Variants in PRKAR2A observed in about 807,000 individuals in gnomAD.
The protein encoded by PRKAR2A is protein kinase cAMP-dependent type II regulatory subunit alpha.
PRKAR2A carries 29 observed loss-of-function variants against 51.9 expected under a neutral mutation model. The ratio of observed to expected loss-of-function variants is 0.56; its 90% confidence interval spans 0.42 to 0.76. The LOEUF (loss-of-function observed/expected upper bound fraction) is 0.76, where lower values mean the gene tolerates loss of function less well. Ranked by LOEUF, PRKAR2A falls within the 30% of genes least tolerant of loss-of-function variation. PRKAR2A has a pLI of 0.00. For missense variants in PRKAR2A, 445 were observed against 512.1 expected, an observed-to-expected ratio of 0.87 and a Z score of 1.26; for synonymous variants, 178 against 186.2, an observed-to-expected ratio of 0.96 and a Z score of 0.36.
chr3:48,816,075 C>T (rs2082870731), intron 1 of PRKAR2A, among the ~76,000 whole-genome samples: 1 of 151,560 alleles, frequency 6.6e-6, no homozygotes, highest in African/African-American at 2.4e-5. Flanking sequence ...AATACTTCTC[C>T]AACCTTGCCT....
At chr3:48,764,967 A>G in intron 8 of PRKAR2A, 37 bp downstream of exon 8, 1 of 1,577,090 alleles carries the variant, frequency 6.3e-7, no homozygotes, top group Admixed American at 1.7e-5. Context: ...TTCAGGGGTG[A>G]CTTCCAGGAA....
chr3:48,822,280 C>A (rs1164322816), intron 1 of PRKAR2A, among the ~76,000 whole-genome samples: 1 of 150,790 alleles, frequency 6.6e-6, no homozygotes, highest in African/African-American at 2.4e-5. Flanking sequence ...CAGTTCTTCA[C>A]ACAGCTTGCA....
intron 5 of PRKAR2A, among the ~76,000 whole-genome samples, chr3:48,773,918 C>T (rs1258504841): frequency 6.6e-6 from 1 of 150,618 alleles, no homozygotes; most frequent in Non-Finnish European, 1.5e-5. Flanking sequence ...CCCAAGCAAT[C>T]CTCTCACCTC....
intron 1 of PRKAR2A, among the ~76,000 whole-genome samples, chr3:48,814,348 G>C (rs138115772): frequency 6.6e-6 from 1 of 152,142 alleles, no homozygotes; most frequent in Non-Finnish European, 1.5e-5. Context: ...AACCACGGAG[G>C]TGGAGGTTTC....
At chr3:48,828,477 G>A (rs534027084) in intron 1 of PRKAR2A, among the ~76,000 whole-genome samples, 122 of 151,904 alleles carry the variant, frequency 8.0e-4, no homozygotes, top group Non-Finnish European at 1.6e-3. Flanking sequence ...AAGTACTTTG[G>A]GAGGCTGAGG....
At chr3:48,810,620 T>TC (rs2082755485) in intron 1 of PRKAR2A, among the ~76,000 whole-genome samples, 1 of 152,040 alleles carries the variant, frequency 6.6e-6, no homozygotes, top group African/African-American at 2.4e-5. Context: ...TAAAAAAATG[T>TC]TTTTTTAATT....
In PRKAR2A at chr3:48,823,320, C is replaced by T. The variant is rs552806897; in HGVS notation, c.263-15636G>A. Among the ~76,000 whole-genome samples the T allele has an allele frequency of 6.6e-5, 10 of 151,516 alleles. No homozygotes were observed. The South Asian group carries it at 1.9e-3, about 28-fold the overall frequency. On this transcript the variant is annotated intron_variant, in intron 1 of 10. Coordinates refer to ENST00000265563, the MANE Select transcript of PRKAR2A (RefSeq NM_004157.4). ...TGGGACTGGTGTCTAAAGGGGGTGTCGGGGGGGTGCTGTCTTACGGGTTGA... is the reference window on the plus strand; with the variant it reads ...TGGGACTGGTGTCTAAAGGGGGTGTTGGGGGGGTGCTGTCTTACGGGTTGA...
Position 48,754,971 on chromosome 3 carries a change from ATTC to A in PRKAR2A, c.939+1405_939+1407del, listed in dbSNP as rs2081735535. Among the ~76,000 whole-genome samples the A allele has an allele frequency of 2.7e-5, 4 of 145,520 alleles. No homozygotes were observed. In the South Asian group the frequency reaches 6.7e-4, roughly 24 times the overall value. On this transcript the variant is annotated intron_variant, in intron 9 of 10. Coordinates refer to ENST00000265563, the MANE Select transcript of PRKAR2A (RefSeq NM_004157.4). ...ATCCAGCTATCTTACAGACAGTAATATTCTTCTTTTTCCATACTTATTAACTTT... is the reference window on the plus strand; with the variant it reads ...ATCCAGCTATCTTACAGACAGTAATATTCTTTTTCCATACTTATTAACTTT...
rs527427643 is a variant in PRKAR2A at position 48,748,291 on chromosome 3, CTTTTTTTT to C, written c.*3286_*3293del. ...CAGGTCCAGCTAATTGTTTTTTTAA[CTTTTTTTT>C]TTTTTTTTTTTCTTGGTAGAGACAG... On this transcript the variant is annotated 3_prime_UTR_variant, in exon 11 of 11. Transcript: ENST00000265563. 2.2e-5 allele frequency: 3 copies of C among 133,568 alleles called. No homozygotes were observed. Among genetic ancestry groups the C allele is most frequent in the East Asian group, 2.1e-4 (1 of 4,684 alleles). 8.3% of individuals were successfully genotyped at this position (133,568 alleles called of 1,614,324 possible). A position where few individuals can be genotyped will look rare whatever the true frequency, so the allele number is the denominator to read the frequency against.
chr3:48,829,768 A>G (rs2083148259), intron 1 of PRKAR2A, among the ~76,000 whole-genome samples: 1 of 138,462 alleles, frequency 7.2e-6, no homozygotes, highest in Admixed American at 7.3e-5. Context: ...ATACATACGT[A>G]TATATACGCA....
At chr3:48,844,223 G>A (rs1426149859) in intron 1 of PRKAR2A, among the ~76,000 whole-genome samples, 1 of 152,118 alleles carries the variant, frequency 6.6e-6, no homozygotes, top group Non-Finnish European at 1.5e-5. Context: ...GCAGCCAAAA[G>A]ACAAATGAAA....
intron 1 of PRKAR2A, among the ~76,000 whole-genome samples, chr3:48,823,150 C>G (rs1450247564): frequency 6.6e-6 from 1 of 151,954 alleles, no homozygotes; most frequent in Non-Finnish European, 1.5e-5. Flanking sequence ...AAAGCAATCG[C>G]CCGCCTCAGC....
intron 1 of PRKAR2A, among the ~76,000 whole-genome samples, chr3:48,839,480 T>C (rs978650027): frequency 5.3e-5 from 8 of 152,006 alleles, no homozygotes; most frequent in South Asian, 2.1e-4. Flanking sequence ...CAATTCTGAA[T>C]GTCGATTTAT....
rs148580976 is a variant in PRKAR2A, at chr3:48,756,232, A to G, written c.939+147T>C. 302 of 648,878 alleles carry G rather than the reference A, an allele frequency of 4.7e-4. 1 individual carries two copies. The African/African-American group carries it at 5.1e-3, about 11-fold the overall frequency. The allele number at this position is 648,878 out of a possible 1,614,324, so 40.2% of individuals were successfully genotyped here. On this transcript the variant is annotated intron_variant, in intron 9 of 10. Coordinates refer to ENST00000265563, the MANE Select transcript of PRKAR2A (RefSeq NM_004157.4). ...AATCTAATCTAAATATGCTAAATCT[A>G]TACTAAATGGGCTTAAACATGGGTC...
intron 1 of PRKAR2A, among the ~76,000 whole-genome samples, chr3:48,815,650 G>A (rs1449429070): frequency 6.8e-6 from 1 of 147,508 alleles, no homozygotes; most frequent in African/African-American, 2.5e-5. Flanking sequence ...CCGAGATCGC[G>A]CCACTGCACT....
intron 1 of PRKAR2A, among the ~76,000 whole-genome samples, chr3:48,841,327 C>G (rs2083377803): frequency 1.3e-5 from 2 of 151,170 alleles, no homozygotes; most frequent in Non-Finnish European, 2.9e-5. Flanking sequence ...AGGCAGATCA[C>G]AAGGTCAGGA....
chr3:48,807,103 C>T (rs573108738), intron 2 of PRKAR2A, among the ~76,000 whole-genome samples: 18 of 152,152 alleles, frequency 1.2e-4, no homozygotes, highest in Non-Finnish European at 2.5e-4. Context: ...AAAAGAAATG[C>T]CATATAAAAT....
At chr3:48,816,969 C>A (rs2082883959) in intron 1 of PRKAR2A, among the ~76,000 whole-genome samples, 1 of 152,062 alleles carries the variant, frequency 6.6e-6, no homozygotes, top group African/African-American at 2.4e-5. Context: ...ATCACCTGAG[C>A]CCAGGAGTTC....
At chr3:48,795,220 G>A (rs1003403975) in intron 2 of PRKAR2A, among the ~76,000 whole-genome samples, 2 of 151,944 alleles carry the variant, frequency 1.3e-5, no homozygotes, top group Non-Finnish European at 2.9e-5. Context: ...TCAACCACCC[G>A]CCTCGGCCTC....
Sources: allele counts gnomAD v4.1 joint callset (sites outside exome capture counted in the v4.1 genomes callset), GRCh38; gene constraint gnomAD v4.1.1; transcripts MANE v1.5; gene names NCBI Gene and HGNC (gene_info 2026-07-23, HGNC 2026-07-21).